SVIL: variants seen among roughly 807,000 people sequenced by gnomAD.
SVIL encodes the protein supervillin.
In SVIL, 101 loss-of-function variants were observed where a neutral mutation model predicts 240.4. The observed-to-expected ratio is 0.42, with a 90% confidence interval of 0.36 to 0.50. The LOEUF is 0.50. Ranked by LOEUF, SVIL falls within the 20% of genes least tolerant of loss-of-function variation. The pLI is 0.01. For missense variants in SVIL, 2,512 were observed against 2,818.7 expected (o/e 0.89, Z 2.46); for synonymous variants, 999 against 1,100.0 (o/e 0.91, Z 1.82).
At chr10:29,609,931 CA>C (rs1957177063) in intron 1 of SVIL, among the ~76,000 whole-genome samples, 1 of 152,186 alleles carries the variant, frequency 6.6e-6, no homozygotes, top group African/African-American at 2.4e-5. Context: ...CAGGCATGAG[CA>C]AAACTCAGGC....
chr10:29,524,696 G>T lies in SVIL; in HGVS notation c.2362C>A (p.Gln788Lys). ...GTCTGGTCCTTGGCTAAGGCCTTTTGGTGAGCAGAGGCCTGCAATCTGAAA... is the reference window on the plus strand; with the variant it reads ...GTCTGGTCCTTGGCTAAGGCCTTTTTGTGAGCAGAGGCCTGCAATCTGAAA... ...QPARLQASAH[Q>K]KALAKDQTNE... The change falls in exon 14 of 38, where the codon CAA (glutamine) becomes AAA (lysine). Residue 788 changes from glutamine to lysine, a missense_variant. This residue lies in a region of SVIL where 1,443 missense variants were observed against 1,486.6 expected (regional missense o/e 0.97). Coordinates refer to ENST00000355867, the MANE Select transcript of SVIL (RefSeq NM_021738.3). 6.8e-6 allele frequency: 11 copies of T among 1,614,062 alleles called. No individual in the cohort carries two copies. The highest frequency in any genetic ancestry group is 9.3e-6 in the Non-Finnish European group (11 of 1,180,010).
At chr10:29,516,721 C>A (rs923949761) in intron 16 of SVIL, among the ~76,000 whole-genome samples, 1 of 152,240 alleles carries the variant, frequency 6.6e-6, no homozygotes, top group African/African-American at 2.4e-5. Context: ...GACACTGGCC[C>A]GCTCACCCAA....
intron 1 of SVIL, among the ~76,000 whole-genome samples, chr10:29,570,766 A>T (rs1382816331): frequency 2.6e-5 from 4 of 152,226 alleles, no homozygotes; most frequent in Admixed American, 2.6e-4. Context: ...ACTTTAACTT[A>T]TTAAGGGAAA....
intron 1 of SVIL, among the ~76,000 whole-genome samples, chr10:29,612,288 G>C (rs1035841527): frequency 1.8e-4 from 27 of 152,198 alleles, no homozygotes; most frequent in African/African-American, 6.5e-4. Context: ...CCTTGTTCCA[G>C]TGATTCTCAG....
At chr10:29,731,642 C>A (rs1200146080) in intron 1 of SVIL, among the ~76,000 whole-genome samples, 1 of 152,012 alleles carries the variant, frequency 6.6e-6, no homozygotes, top group Non-Finnish European at 1.5e-5. Flanking sequence ...GCCGGTTACC[C>A]TAAAATAACA....
At chr10:29,640,250 C>T (rs1002012085) in intron 3 of SVIL, among the ~76,000 whole-genome samples, 1 of 152,208 alleles carries the variant, frequency 6.6e-6, no homozygotes, top group African/African-American at 2.4e-5. Context: ...GAGGCTTCAT[C>T]TAGATGTGGC....
intron 1 of SVIL, among the ~76,000 whole-genome samples, chr10:29,621,670 C>T (rs1957646734): frequency 6.6e-6 from 1 of 152,202 alleles, no homozygotes. Context: ...GGCTGTGGGC[C>T]CATGGCAGGA....
chr10:29,706,559 G>A (rs1165210082), intron 1 of SVIL, among the ~76,000 whole-genome samples: 2 of 151,994 alleles, frequency 1.3e-5, no homozygotes, highest in East Asian at 3.9e-4. Context: ...TTAGACCTCT[G>A]TCAGATGGGT....
chr10:29,667,704 G>T (rs1301416700), intron 2 of SVIL, among the ~76,000 whole-genome samples: 1 of 151,900 alleles, frequency 6.6e-6, no homozygotes, highest in Non-Finnish European at 1.5e-5. Flanking sequence ...ATAAAAATAA[G>T]CCAGGTGTGG....
chr10:29,725,053 A>AAG (rs11430193), intron 1 of SVIL, among the ~76,000 whole-genome samples: 5 of 149,830 alleles, frequency 3.3e-5, no homozygotes, highest in African/African-American at 1.2e-4. Flanking sequence ...AAAAAAAAAA[A>AAG]GCATGCATGC....
intron 1 of SVIL, among the ~76,000 whole-genome samples, chr10:29,622,409 T>C (rs1231962446): frequency 6.6e-6 from 1 of 152,100 alleles, no homozygotes; most frequent in Non-Finnish European, 1.5e-5. Flanking sequence ...ACACACATTC[T>C]AAACTGTCAG....
intron 33 of SVIL, 97 bp from the exon 34 acceptor site, chr10:29,465,847 T>A: frequency 6.8e-7 from 1 of 1,463,206 alleles, no homozygotes. Flanking sequence ...TTCAAAGCAC[T>A]GTGGAAACAC....
In SVIL at chr10:29,493,364, G is replaced by A; in HGVS notation, c.3869C>T (p.Thr1290Ile). Reference protein sequence around the residue: ...KVGGMHETVLTVTGKSVKEVM... With the variant: ...KVGGMHETVLIVTGKSVKEVM... The stretch of plus-strand genomic sequence containing the variant: ...CTCCTTCACAGATTTGCCGGTGACA[G>A]TGAGCACCGTTTCGTGCATCCCGCC... The change falls in exon 21 of 38, where the codon ACT becomes ATT. Residue 1290 changes from threonine to isoleucine, a missense_variant. By Grantham distance (89) the Thr-to-Ile change is moderately conservative. Transcript: ENST00000355867. 6.2e-7 allele frequency: 1 copy of A among 1,614,168 alleles called. No homozygotes were observed.
chr10:29,481,516 T>C lies in SVIL; in HGVS notation c.5100+68A>G. 4 of 1,599,160 alleles carry C rather than the reference T, an allele frequency of 2.5e-6. No individual in the cohort carries two copies. The South Asian group carries it at 3.4e-5, about 14-fold the overall frequency. ...ACGAACTATCCTGATTTGATCATTTTACATGAAGGCCACTTTTATTGGGAC... is the reference window on the plus strand; with the variant it reads ...ACGAACTATCCTGATTTGATCATTTCACATGAAGGCCACTTTTATTGGGAC... On this transcript the variant is annotated intron_variant, in intron 28 of 37. Transcript: ENST00000355867.
chr10:29,629,489 T>A (rs542838202), intron 1 of SVIL, among the ~76,000 whole-genome samples: 2 of 152,238 alleles, frequency 1.3e-5, no homozygotes, highest in South Asian at 4.1e-4. Context: ...CTGCAGGTGA[T>A]TCCTATTAAA....
At position 29,590,123 on chromosome 10, in the gene SVIL, G is replaced by A. The variant is rs1243164395; in HGVS notation, c.-200-20811C>T. On this transcript the variant is annotated intron_variant, in intron 1 of 37. Coordinates refer to ENST00000355867, the MANE Select transcript of SVIL (RefSeq NM_021738.3). ...GGAGGTTGCAGTGAGCCAAGATTGCGCCACTGCTCTCCAGCCTTGGCAACA... is the reference window on the plus strand; with the variant it reads ...GGAGGTTGCAGTGAGCCAAGATTGCACCACTGCTCTCCAGCCTTGGCAACA... Among the ~76,000 whole-genome samples the A allele has an allele frequency of 6.9e-5, 9 of 129,580 alleles. No homozygotes were observed. The South Asian group carries it at 2.2e-3, about 32-fold the overall frequency. The allele number at this position is 129,580 out of a possible 152,430, so 85.0% of individuals were successfully genotyped here.
chr10:29,507,417 T>C (rs1378561368), intron 17 of SVIL, among the ~76,000 whole-genome samples: 1 of 152,094 alleles, frequency 6.6e-6, no homozygotes, highest in Admixed American at 6.6e-5. Flanking sequence ...CACCTGAAAA[T>C]CTGAGCCAAG....
chr10:29,686,329 G>A (rs1315463397), intron 2 of SVIL, among the ~76,000 whole-genome samples: 2 of 152,188 alleles, frequency 1.3e-5, no homozygotes, highest in African/African-American at 2.4e-5. Flanking sequence ...CAACTGCTTT[G>A]ATGGTAACAC....
At chr10:29,715,262 C>T (rs1963549011) in intron 1 of SVIL, among the ~76,000 whole-genome samples, 1 of 152,156 alleles carries the variant, frequency 6.6e-6, no homozygotes. Context: ...TTGTATTCAA[C>T]ACACAAACCA....
Sources: allele counts gnomAD v4.1 joint callset (sites outside exome capture counted in the v4.1 genomes callset), GRCh38; gene constraint gnomAD v4.1.1; regional missense constraint gnomAD v4.1.1; transcripts MANE v1.5; gene names NCBI Gene and HGNC (gene_info 2026-07-23, HGNC 2026-07-21).